WDR44: variants seen among roughly 807,000 people sequenced by gnomAD.
WDR44 encodes the protein WD repeat domain 44, also known as WD repeat-containing protein 44.
WDR44 carries 9 observed loss-of-function variants against 65.7 expected under a neutral mutation model. The observed-to-expected ratio is 0.14, with a 90% CI of 0.08 to 0.24. The LOEUF is 0.24. Among genes scored for constraint, WDR44 ranks in the 10% least tolerant of loss-of-function variants. WDR44 has a pLI of 1.00. For missense variants in WDR44, 425 were observed against 670.9 expected, an observed-to-expected ratio of 0.63 and a Z score of 4.05; for synonymous variants, 220 against 235.2, an observed-to-expected ratio of 0.94 and a Z score of 0.59.
intron 1 of WDR44, among the ~76,000 whole-genome samples, chrX:118,373,316 T>C (rs2056630567): frequency 9.0e-6 from 1 of 111,322 alleles, no homozygotes; most frequent in Admixed American, 9.6e-5. Context: ...AAGAAGATAT[T>C]TTCAGGGAAA....
At chrX:118,369,592 C>G (rs1160811469) in intron 1 of WDR44, among the ~76,000 whole-genome samples, 1 of 106,239 alleles carries the variant, frequency 9.4e-6, no homozygotes, top group African/African-American at 3.5e-5. Context: ...GCTCAGCCTC[C>G]CGAGTAGCTG....
intron 15 of WDR44, among the ~76,000 whole-genome samples, chrX:118,442,042 A>C (rs2057308505): frequency 8.9e-6 from 1 of 112,078 alleles, no homozygotes; most frequent in Non-Finnish European, 1.9e-5. Context: ...ACGCCCAAGC[A>C]AAAAGAATTT....
intron 12 of WDR44, among the ~76,000 whole-genome samples, chrX:118,430,472 G>A (rs1484847451): frequency 9.3e-5 from 10 of 107,610 alleles, no homozygotes; most frequent in African/African-American, 3.4e-4. Context: ...AACCCAGAGG[G>A]CAGAGGTTGC....
chrX:118,369,743 A>G (rs1160066232), intron 1 of WDR44, among the ~76,000 whole-genome samples: 1 of 112,010 alleles, frequency 8.9e-6, no homozygotes, highest in Non-Finnish European at 1.9e-5. Context: ...CTGGGATTAC[A>G]GGTGTGGGCT....
intron 1 of WDR44, among the ~76,000 whole-genome samples, chrX:118,362,958 T>C (rs1468486256): frequency 3.7e-5 from 4 of 108,456 alleles, no homozygotes; most frequent in East Asian, 2.9e-4. Context: ...CTAGTAGATA[T>C]AGGCACAGTT....
chrX:118,414,941 A>G (rs1431113316), intron 12 of WDR44, among the ~76,000 whole-genome samples: 1 of 111,654 alleles, frequency 9.0e-6, no homozygotes, highest in Non-Finnish European at 1.9e-5. Flanking sequence ...AAGAGTGGGC[A>G]TCCTTGTCTT....
chrX:118,440,547 G>A (rs1483237266), intron 14 of WDR44, among the ~76,000 whole-genome samples: 1 of 111,312 alleles, frequency 9.0e-6, no homozygotes, highest in Non-Finnish European at 1.9e-5. Context: ...GTATCCCAGA[G>A]GAAGGTATGA....
chrX:118,421,970 C>A (rs1291798279), intron 12 of WDR44, among the ~76,000 whole-genome samples: 9 of 111,657 alleles, frequency 8.1e-5, no homozygotes, highest in Admixed American at 9.5e-5. Flanking sequence ...TATAAAATTT[C>A]TTTTTGATAC....
At chrX:118,367,164 A>G (rs1206406327) in intron 1 of WDR44, among the ~76,000 whole-genome samples, 1 of 111,848 alleles carries the variant, frequency 8.9e-6, no homozygotes, top group African/African-American at 3.2e-5. Context: ...GAGTACTGAT[A>G]TTTTTATCAT....
chrX:118,443,815 C>A, intron 18 of WDR44, 128 bp downstream of exon 18: 2 of 619,884 alleles, frequency 3.2e-6, no homozygotes, highest in Non-Finnish European at 4.6e-6. Flanking sequence ...GAGGCCCATA[C>A]GGGTGTATCA....
intron 3 of WDR44, among the ~76,000 whole-genome samples, chrX:118,389,944 A>G (rs1197455293): frequency 9.2e-6 from 1 of 108,593 alleles, no homozygotes. Flanking sequence ...CCCAGGCTAG[A>G]GTGCAGTGGT....
At chrX:118,399,931 T>G (rs1198917471) in intron 8 of WDR44, among the ~76,000 whole-genome samples, 1 of 110,581 alleles carries the variant, frequency 9.0e-6, no homozygotes, top group East Asian at 2.8e-4. Context: ...ACCAAAAAAT[T>G]TTAAAAATTA....
At chrX:118,348,085 A>G (rs2056369383) in intron 1 of WDR44, among the ~76,000 whole-genome samples, 1 of 111,568 alleles carries the variant, frequency 9.0e-6, no homozygotes, top group African/African-American at 3.3e-5. Context: ...TCATCAGTTT[A>G]TGAGCTGATC....
intron 2 of WDR44, among the ~76,000 whole-genome samples, chrX:118,386,017 C>T (rs772199368): frequency 1.8e-5 from 2 of 110,503 alleles, no homozygotes; most frequent in East Asian, 5.7e-4. Context: ...ATTCAGTGCT[C>T]GAAGATATTG....
intron 1 of WDR44, among the ~76,000 whole-genome samples, chrX:118,363,745 G>A (rs2056531107): frequency 8.9e-6 from 1 of 112,093 alleles, no homozygotes; most frequent in Admixed American, 9.5e-5. Context: ...ATTAGCCTAT[G>A]TGCAAAATTT....
chrX:118,363,201 C>T (rs1229630681), intron 1 of WDR44, among the ~76,000 whole-genome samples: 2 of 107,889 alleles, frequency 1.9e-5, no homozygotes, highest in African/African-American at 6.8e-5. Flanking sequence ...AGTTCAAGAC[C>T]AGTCTGGTCA....
At chrX:118,402,829 A>G (rs2056931198) in intron 8 of WDR44, among the ~76,000 whole-genome samples, 1 of 112,470 alleles carries the variant, frequency 8.9e-6, no homozygotes, top group African/African-American at 3.2e-5. Flanking sequence ...TAGGCATTAA[A>G]CATGTAATTG....
At chrX:118,431,043 G>A (rs1686856851) in intron 12 of WDR44, among the ~76,000 whole-genome samples, 1 of 111,487 alleles carries the variant, frequency 9.0e-6, no homozygotes, top group Non-Finnish European at 1.9e-5. Context: ...AGTTCTACAC[G>A]AATAATAGTG....
intron 8 of WDR44, among the ~76,000 whole-genome samples, chrX:118,402,671 C>G (rs2147713129): frequency 9.0e-6 from 1 of 110,618 alleles, no homozygotes; most frequent in South Asian, 3.8e-4. Flanking sequence ...TCTATTGATC[C>G]TGGGATGTCA....
Sources: allele counts gnomAD v4.1 joint callset (sites outside exome capture counted in the v4.1 genomes callset), GRCh38; gene constraint gnomAD v4.1.1; transcripts MANE v1.5; gene names NCBI Gene and HGNC (gene_info 2026-07-23, HGNC 2026-07-21).